The following PXK variants were observed in gnomAD, a reference collection of about 807,000 sequenced individuals.
PXK encodes the protein PX domain-containing protein kinase-like protein.
In PXK, 35 loss-of-function variants were observed where a neutral mutation model predicts 84.7. That is an observed-to-expected ratio of 0.41 (90% CI 0.32 to 0.55). The LOEUF (loss-of-function observed/expected upper bound fraction) is 0.55, where lower values mean the gene tolerates loss of function less well. Among genes scored for constraint, PXK ranks in the 20% least tolerant of loss-of-function variants. The pLI, the probability that PXK is intolerant of heterozygous loss-of-function variation, is 0.21. For synonymous variants in PXK, 253 were observed against 260.8 expected (o/e 0.97, Z 0.29); for missense variants, 634 against 699.7 (o/e 0.91, Z 1.06).
chr3:58,391,434 A>G (rs2098630313), intron 6 of PXK, among the ~76,000 whole-genome samples: 1 of 152,178 alleles, frequency 6.6e-6, no homozygotes, highest in Non-Finnish European at 1.5e-5. Context: ...AACATTTGAA[A>G]AGAAACAAGA....
intron 12 of PXK, among the ~76,000 whole-genome samples, chr3:58,402,273 CCCT>C (rs1285662652): frequency 3.6e-5 from 5 of 140,834 alleles, no homozygotes; most frequent in African/African-American, 1.0e-4. Context: ...TCTCTCTCCC[CCCT>C]TCTTCTTTTT....
chr3:58,368,815 A>G (rs931887042), intron 2 of PXK, among the ~76,000 whole-genome samples: 6 of 152,274 alleles, frequency 3.9e-5, no homozygotes, highest in Admixed American at 2.6e-4. Context: ...TTTCTTGATC[A>G]GGGCCTGAAG....
rs185649720 is a variant in PXK, at chr3:58,378,298, A to G, written c.202-4216A>G. On this transcript the variant is annotated intron_variant, in intron 3 of 17. Coordinates refer to ENST00000356151, the MANE Select transcript of PXK (RefSeq NM_017771.5). ...GAGCTAAAGGTTTGTCCAGTAAAAC[A>G]GCTGCATAGGGTCATCTGGTAAAAT... is the stretch of plus-strand genomic sequence containing the variant. Among the ~76,000 whole-genome samples the G allele has an allele frequency of 2.5e-3, 386 of 152,162 alleles. 1 individual carries two copies. The highest frequency in any genetic ancestry group is 6.8e-3 in the Middle Eastern group (2 of 294).
intron 2 of PXK, among the ~76,000 whole-genome samples, chr3:58,366,567 A>G (rs1004183090): frequency 6.6e-6 from 1 of 152,024 alleles, no homozygotes; most frequent in Admixed American, 6.6e-5. Flanking sequence ...TCCCCGCAAC[A>G]CTTCTTCTCT....
chr3:58,364,638 G>T lies in PXK; in HGVS notation c.103-1236G>T, dbSNP rs2098243323. Among the ~76,000 whole-genome samples the T allele has an allele frequency of 6.6e-6, 1 of 152,118 alleles. No individual in the cohort carries two copies. The highest frequency in any genetic ancestry group is 6.5e-5 in the Admixed American group (1 of 15,282). ...GAGGCAGGAGAATTGCTTGAACCCA[G>T]GAGGCGGAAGTGGCAGTGAGCTGAG... On this transcript the variant is annotated intron_variant, in intron 1 of 17. Coordinates refer to ENST00000356151, the MANE Select transcript of PXK (RefSeq NM_017771.5). The surrounding 1 kb of genome is among the most constrained non-coding windows in gnomAD (Gnocchi z 4.3).
intron 3 of PXK, among the ~76,000 whole-genome samples, chr3:58,380,942 G>T (rs1436399410): frequency 6.6e-6 from 1 of 151,990 alleles, no homozygotes; most frequent in Non-Finnish European, 1.5e-5. Context: ...TGTATCTCCT[G>T]CTCTCCTTTT....
chr3:58,335,155 G>C (rs1399544011), intron 1 of PXK, among the ~76,000 whole-genome samples: 1 of 152,042 alleles, frequency 6.6e-6, no homozygotes, highest in Admixed American at 6.6e-5. Flanking sequence ...GTATACAGAT[G>C]TGAGCCACCA....
At chr3:58,404,771 C>T (rs2059139677) in intron 13 of PXK, among the ~76,000 whole-genome samples, 1 of 151,984 alleles carries the variant, frequency 6.6e-6, no homozygotes, top group Non-Finnish European at 1.5e-5. Flanking sequence ...ACATGTAATA[C>T]TATTAGGATG....
chr3:58,409,080 T>C lies in PXK; in HGVS notation c.1308+79T>C. On this transcript the variant is annotated intron_variant, in intron 14 of 17. Coordinates refer to ENST00000356151, the MANE Select transcript of PXK (RefSeq NM_017771.5). This position sits in a 1 kb window ranked among gnomAD's most constrained non-coding sequence, Gnocchi z 4.2. ...GTTTTTATAGTGATTGACCTTTGAC[T>C]GTTCCCTCTGCAAATATTTTAAGCA... 5.7e-6 allele frequency: 6 copies of C among 1,044,348 alleles called. No individual in the cohort carries two copies. The highest frequency in any genetic ancestry group is 8.7e-6 in the Non-Finnish European group (6 of 688,672). 64.7% of individuals were successfully genotyped at this position (1,044,348 alleles called of 1,614,324 possible).
Position 58,383,458 on chromosome 3 carries a change from ATTTAC to A in PXK, c.388+763_388+767del, listed in dbSNP as rs1163887521. On this transcript the variant is annotated intron_variant, in intron 4 of 17. Transcript: ENST00000356151. This position sits in a 1 kb window ranked among gnomAD's most constrained non-coding sequence, Gnocchi z 4.0. ...GTTGTGTGTTCTGTTTTTTCTGGGA[ATTTAC>A]TTTAAACACAGCAGTGATTCAGAAG... is the stretch of plus-strand genomic sequence containing the variant. Among the ~76,000 whole-genome samples, 1 of 151,976 alleles carries A rather than the reference ATTTAC, an allele frequency of 6.6e-6. No homozygotes were observed. The highest frequency in any genetic ancestry group is 1.5e-5 in the Non-Finnish European group (1 of 67,982).
Position 58,421,118 on chromosome 3 carries a change from G to C in PXK, c.1529-3634G>C. ...GAGAAGGTGGTTCTCCCGAGAGCTGGGGGCTTGCCTGCTTCGGTTCTCTCC... is the reference window on the plus strand; with the variant it reads ...GAGAAGGTGGTTCTCCCGAGAGCTGCGGGCTTGCCTGCTTCGGTTCTCTCC... On this transcript the variant is annotated intron_variant, in intron 17 of 17. Transcript: ENST00000356151. The surrounding 1 kb of genome is among the most constrained non-coding windows in gnomAD (Gnocchi z 5.5). 1 of 985,412 alleles carries C rather than the reference G, an allele frequency of 1.0e-6. No individual in the cohort carries two copies. Among genetic ancestry groups the C allele is most frequent in the East Asian group, 1.1e-4 (1 of 8,814 alleles). 61.0% of individuals were successfully genotyped at this position (985,412 alleles called of 1,614,324 possible). A position where few individuals can be genotyped will look rare whatever the true frequency, so the allele number is the denominator to read the frequency against.
At chr3:58,341,994 G>A (rs1009488788) in intron 1 of PXK, among the ~76,000 whole-genome samples, 3 of 151,926 alleles carry the variant, frequency 2.0e-5, no homozygotes, top group Non-Finnish European at 4.4e-5. Flanking sequence ...GTGAGCCAAC[G>A]CGCCTGGCCA....
intron 17 of PXK, among the ~76,000 whole-genome samples, chr3:58,415,920 G>T (rs150259238): frequency 6.6e-6 from 1 of 152,294 alleles, no homozygotes; most frequent in East Asian, 1.9e-4. Context: ...TGGGGGTAGG[G>T]GGTGCTCACA....
In PXK at chr3:58,333,828, G is replaced by T. The variant is rs1170054526; in HGVS notation, c.102+738G>T. Among the ~76,000 whole-genome samples, 6 of 151,932 alleles carry T rather than the reference G, an allele frequency of 3.9e-5. No homozygotes were observed. Among genetic ancestry groups the T allele is most frequent in the Non-Finnish European group, 1.5e-5 (1 of 67,972 alleles). ...CAGGGTTCATTTCTGCTACATATACGGTCTTTTATGGGGCTTTAAAACCGT... is the reference window on the plus strand; with the variant it reads ...CAGGGTTCATTTCTGCTACATATACTGTCTTTTATGGGGCTTTAAAACCGT... On this transcript the variant is annotated intron_variant, in intron 1 of 17. Transcript: ENST00000356151. The surrounding 1 kb of genome is among the most constrained non-coding windows in gnomAD (Gnocchi z 5.4).
chr3:58,410,263 A>G, intron 16 of PXK, 104 bp downstream of exon 16: 1 of 785,520 alleles, frequency 1.3e-6, no homozygotes, highest in South Asian at 1.6e-5. Flanking sequence ...AAACTGGGCA[A>G]TGTAGTAATG....
At chr3:58,336,071 A>ATATATATATATATATATTTT (rs1284780630) in intron 1 of PXK, among the ~76,000 whole-genome samples, 3 of 51,572 alleles carry the variant, frequency 5.8e-5, no homozygotes, top group Non-Finnish European at 9.8e-5. Flanking sequence ...ATATATATAT[A>ATATATATATATATATATTTT]TTTTTTTTTT....
rs78906445 is a variant in PXK at position 58,399,492 on chromosome 3, G to C, written c.1181+115G>C. On this transcript the variant is annotated intron_variant, in intron 12 of 17. Coordinates refer to ENST00000356151, the MANE Select transcript of PXK (RefSeq NM_017771.5). This position sits in a 1 kb window ranked among gnomAD's most constrained non-coding sequence, Gnocchi z 4.3. Reference sequence around the variant, plus strand: ...TTCTTGCGGTCCCTGCAGAGTTGGCGTGGCCTGCTTGCTGATGGGCACTTG... The same window carrying C: ...TTCTTGCGGTCCCTGCAGAGTTGGCCTGGCCTGCTTGCTGATGGGCACTTG... 9.3e-7 allele frequency: 1 copy of C among 1,075,214 alleles called. No homozygotes were observed. Among genetic ancestry groups the C allele is most frequent in the East Asian group, 2.6e-5 (1 of 39,102 alleles). The allele number at this position is 1,075,214 out of a possible 1,614,324, so 66.6% of individuals were successfully genotyped here.
Position 58,397,677 on chromosome 3 carries a change from T to C in PXK, c.1057T>C (p.Ser353Pro). Residue 353 changes from serine (S) to proline (P), a missense_variant, in exon 11 of 18, where the codon TCG becomes CCG. By Grantham distance (74) the Ser-to-Pro change is moderately conservative. Around this residue, in one of 3 missense-constraint regions of PXK, gnomAD observed 273 missense variants for 283.6 expected, o/e 0.96. Transcript: ENST00000356151. The surrounding 1 kb of genome is among the most constrained non-coding windows in gnomAD (Gnocchi z 4.7). Reference sequence around the variant, plus strand: ...AATGACTTATGGACGACCGCCAGACTCGGTGCCTGTGGACTCCTTCCCTCC... The same window carrying C: ...AATGACTTATGGACGACCGCCAGACCCGGTGCCTGTGGACTCCTTCCCTCC... The part of the protein sequence containing the change: ...YEMTYGRPPD[S>P]VPVDSFPPAP... 6.2e-7 allele frequency: 1 copy of C among 1,614,072 alleles called. No individual in the cohort carries two copies. Among genetic ancestry groups the C allele is most frequent in the East Asian group, 2.2e-5 (1 of 44,876 alleles).
intron 1 of PXK, among the ~76,000 whole-genome samples, chr3:58,344,295 G>A (rs982198848): frequency 3.9e-5 from 6 of 152,194 alleles, no homozygotes; most frequent in African/African-American, 1.4e-4. Flanking sequence ...TCAAATATAT[G>A]TTTTGAATGG....
Sources: gnomAD v4.1 joint callset for allele counts (sites outside exome capture counted in the v4.1 genomes callset) on GRCh38, gnomAD v4.1.1 for gene constraint, gnomAD v4.1.1 regional missense constraint, Gnocchi (gnomAD v3.1) non-coding constraint, MANE v1.5 for transcripts, NCBI Gene and HGNC (gene_info 2026-07-23, HGNC 2026-07-21) for gene names.